Variants in RBFOX1 observed in about 807,000 individuals in gnomAD.
RBFOX1 encodes the protein RNA binding fox-1 homolog 1.
A neutral mutation model predicts 57.7 loss-of-function variants in RBFOX1; 8 were observed. The observed-to-expected ratio is 0.14, with a 90% CI of 0.08 to 0.25. The LOEUF is 0.25. Among genes scored for constraint, RBFOX1 ranks in the 10% least tolerant of loss-of-function variants. The pLI is 1.00. For synonymous variants in RBFOX1, 326 were observed against 222.4 expected, an observed-to-expected ratio of 1.47 and a Z score of -4.15; for missense variants, 611 against 548.5, an observed-to-expected ratio of 1.11 and a Z score of -1.14.
At chr16:5,981,429 T>A (rs1193134058) in intron 4 of RBFOX1, among the ~76,000 whole-genome samples, 3 of 152,136 alleles carry the variant, frequency 2.0e-5, no homozygotes, top group Non-Finnish European at 2.9e-5. Context: ...AACTATTGGA[T>A]TAGATTATTT....
chr16:6,269,327 G>A (rs2074929284), intron 1 of RBFOX1, among the ~76,000 whole-genome samples: 1 of 152,080 alleles, frequency 6.6e-6, no homozygotes, highest in South Asian at 2.1e-4. Flanking sequence ...GTGGTTGGTA[G>A]CATCTGTGGA....
chr16:6,136,782 A>G (rs138993135), intron 1 of RBFOX1, among the ~76,000 whole-genome samples: 1 of 152,204 alleles, frequency 6.6e-6, no homozygotes. Context: ...GGCTTTCCAT[A>G]CACAGAGAAG....
chr16:6,536,698 G>A (rs1167942092), intron 2 of RBFOX1, among the ~76,000 whole-genome samples: 1 of 152,078 alleles, frequency 6.6e-6, no homozygotes, highest in African/African-American at 2.4e-5. Flanking sequence ...GATTTTTATA[G>A]TAGGTGTCTT....
At chr16:6,886,887 G>T (rs887873359) in intron 3 of RBFOX1, among the ~76,000 whole-genome samples, 1 of 152,144 alleles carries the variant, frequency 6.6e-6, no homozygotes, top group African/African-American at 2.4e-5. Context: ...AAATTTTGTT[G>T]CATTAGGTCA....
At chr16:7,220,638 C>T (rs139460751) in intron 4 of RBFOX1, among the ~76,000 whole-genome samples, 40 of 152,140 alleles carry the variant, frequency 2.6e-4, no homozygotes, top group Admixed American at 1.1e-3. Context: ...GACTTGTTAC[C>T]TGGACTTTTG....
intron 3 of RBFOX1, among the ~76,000 whole-genome samples, chr16:5,648,917 AGC>A (rs2049138608): frequency 6.6e-6 from 1 of 151,994 alleles, no homozygotes; most frequent in Admixed American, 6.5e-5. Context: ...TACAAAAATT[AGC>A]CGGGTGTGAT....
At chr16:6,387,118 A>C (rs1158366866) in intron 2 of RBFOX1, among the ~76,000 whole-genome samples, 5 of 152,204 alleles carry the variant, frequency 3.3e-5, no homozygotes, top group African/African-American at 9.6e-5. Context: ...CATTCAATGA[A>C]CTTCAAATCC....
chr16:5,286,060 A>G (rs574281575), intron 1 of RBFOX1, among the ~76,000 whole-genome samples: 1 of 152,184 alleles, frequency 6.6e-6, no homozygotes, highest in South Asian at 2.1e-4. Flanking sequence ...ATGAACCACC[A>G]CACCTGGCCA....
chr16:7,660,600 G>C (rs902771084), intron 12 of RBFOX1, among the ~76,000 whole-genome samples: 3 of 152,240 alleles, frequency 2.0e-5, no homozygotes, highest in African/African-American at 7.2e-5. Flanking sequence ...CTAGGAGGCT[G>C]ACCTTCAGTT....
chr16:6,565,832 C>A (rs544147450), intron 2 of RBFOX1, among the ~76,000 whole-genome samples: 1 of 152,224 alleles, frequency 6.6e-6, no homozygotes, highest in African/African-American at 2.4e-5. Flanking sequence ...GGATTAGCAG[C>A]TATGTGAGGC....
chr16:7,215,559 T>C (rs978851507), intron 4 of RBFOX1, among the ~76,000 whole-genome samples: 2 of 152,160 alleles, frequency 1.3e-5, no homozygotes, highest in African/African-American at 2.4e-5. Context: ...GTTCAATGTT[T>C]TGTAAGTACA....
intron 4 of RBFOX1, among the ~76,000 whole-genome samples, chr16:7,294,649 T>C (rs1364746915): frequency 2.6e-5 from 4 of 152,094 alleles, no homozygotes; most frequent in Non-Finnish European, 5.9e-5. Flanking sequence ...AAATTTCATA[T>C]GATAAAATTA....
intron 3 of RBFOX1, among the ~76,000 whole-genome samples, chr16:6,884,788 C>A (rs530040855): frequency 1.3e-5 from 2 of 152,158 alleles, no homozygotes; most frequent in South Asian, 2.1e-4. Context: ...GTCCCAGCTA[C>A]TTGGGAGGCT....
At chr16:5,729,807 T>G (rs891761327) in intron 3 of RBFOX1, among the ~76,000 whole-genome samples, 2 of 152,154 alleles carry the variant, frequency 1.3e-5, no homozygotes, top group African/African-American at 4.8e-5. Flanking sequence ...ATAGCAAGGT[T>G]TTGGTGACTT....
At chr16:7,413,926 T>G (rs2098454838) in intron 4 of RBFOX1, among the ~76,000 whole-genome samples, 1 of 152,154 alleles carries the variant, frequency 6.6e-6, no homozygotes, top group African/African-American at 2.4e-5. Context: ...GCCTGGCACA[T>G]TGTAACAGCT....
At chr16:6,690,463 G>A (rs898352948) in intron 3 of RBFOX1, among the ~76,000 whole-genome samples, 6 of 151,992 alleles carry the variant, frequency 3.9e-5, no homozygotes, top group Middle Eastern at 3.4e-3. Context: ...GCCTACTATA[G>A]TTTAACATTA....
chr16:7,617,030 C>A (rs536103431), intron 10 of RBFOX1, among the ~76,000 whole-genome samples: 2 of 151,444 alleles, frequency 1.3e-5, no homozygotes, highest in South Asian at 4.2e-4. Flanking sequence ...ATAGTGACAT[C>A]TGTAATGATG....
intron 3 of RBFOX1, among the ~76,000 whole-genome samples, chr16:6,667,032 C>G (rs143904064): frequency 5.9e-5 from 9 of 152,240 alleles, no homozygotes; most frequent in East Asian, 1.9e-4. Context: ...CAGGTTAACT[C>G]TTTTACTAAA....
chr16:7,681,770 A>T (rs1401456269), intron 14 of RBFOX1, among the ~76,000 whole-genome samples: 1 of 151,986 alleles, frequency 6.6e-6, no homozygotes, highest in Non-Finnish European at 1.5e-5. Context: ...GATAATTTGG[A>T]ACCCTTAATG....
Sources: gnomAD v4.1 joint callset for allele counts (sites outside exome capture counted in the v4.1 genomes callset) on GRCh38, gnomAD v4.1.1 for gene constraint, MANE v1.5 for transcripts, NCBI Gene and HGNC (gene_info 2026-07-23, HGNC 2026-07-21) for gene names.